Variants in AOPEP observed in about 807,000 individuals in gnomAD.
AOPEP encodes the protein aminopeptidase O (putative).
Under a neutral mutation model 98.1 loss-of-function variants are expected in AOPEP, and 77 were observed. That is an observed-to-expected ratio of 0.78 (90% CI 0.65 to 0.95). The LOEUF is 0.95. Ranked by LOEUF, AOPEP falls within the 40% of genes least tolerant of loss-of-function variation. The probability of loss-of-function intolerance (pLI) is 0.00; values close to 1 mark genes in which losing one functional copy is unlikely to be tolerated. For synonymous variants in AOPEP, 346 were observed against 365.3 expected, an observed-to-expected ratio of 0.95 and a Z score of 0.60; for missense variants, 1,024 against 1,024.7, an observed-to-expected ratio of 1.00 and a Z score of 0.01.
chr9:95,038,776 G>A (rs541197402), intron 13 of AOPEP, among the ~76,000 whole-genome samples: 57 of 152,178 alleles, frequency 3.7e-4, no homozygotes, highest in South Asian at 6.2e-4. Flanking sequence ...CAGCAAGCTC[G>A]GTAAGTCCAG....
intron 5 of AOPEP, 101 bp from the exon 6 acceptor site, chr9:94,923,885 G>A (rs972401882): frequency 2.8e-6 from 2 of 712,256 alleles, no homozygotes; most frequent in Non-Finnish European, 2.1e-6. Context: ...GCATGCACAT[G>A]ATAATAACAG....
chr9:95,073,190 A>G (rs1220628257), intron 14 of AOPEP, among the ~76,000 whole-genome samples: 1 of 152,120 alleles, frequency 6.6e-6, no homozygotes, highest in Non-Finnish European at 1.5e-5. Context: ...GCTCTTGCTC[A>G]GCCATGTGGT....
chr9:95,069,327 T>C (rs1339686020), intron 14 of AOPEP, among the ~76,000 whole-genome samples: 1 of 152,102 alleles, frequency 6.6e-6, no homozygotes, highest in Non-Finnish European at 1.5e-5. Context: ...TTAGAGGAGG[T>C]AACGATGGTC....
chr9:94,732,292 T>G (rs532556288), intron 1 of AOPEP, among the ~76,000 whole-genome samples: 1 of 152,156 alleles, frequency 6.6e-6, no homozygotes, highest in South Asian at 2.1e-4. Context: ...CCTACATTAT[T>G]CATCAAGTAA....
At chr9:94,855,753 G>A (rs2044125125) in intron 5 of AOPEP, among the ~76,000 whole-genome samples, 1 of 152,152 alleles carries the variant, frequency 6.6e-6, no homozygotes, top group Non-Finnish European at 1.5e-5. Flanking sequence ...CCTAGAACTG[G>A]TGGTTCGCAT....
intron 13 of AOPEP, among the ~76,000 whole-genome samples, chr9:95,009,760 T>C (rs1027963754): frequency 3.9e-5 from 6 of 152,258 alleles, no homozygotes; most frequent in African/African-American, 1.2e-4. Context: ...CAAAAAACAA[T>C]ACTCTTGAGC....
At chr9:95,095,093 T>C in the AOPEP span, among the ~76,000 whole-genome samples, 102 of 152,346 alleles carry the variant, frequency 6.7e-4, no homozygotes, top group Non-Finnish European at 1.3e-3. Context: ...AGCTGTTACT[T>C]TGCATTCTTT....
intron 4 of AOPEP, among the ~76,000 whole-genome samples, chr9:94,795,258 G>A (rs184192083): frequency 6.6e-6 from 1 of 152,216 alleles, no homozygotes; most frequent in Admixed American, 6.5e-5. Flanking sequence ...TAACATTAAT[G>A]CCTCACCTGG....
Position 94,813,112 on chromosome 9 carries a change from C to T in AOPEP, c.1364+12110C>T, listed in dbSNP as rs555921714. ...TAACATTGATTAGTGATTGGCTATA[C>T]GTTGTTAAGCTATAGGGTGGGTTAT... On this transcript the variant is annotated intron_variant, in intron 5 of 16. Coordinates refer to ENST00000375315, the MANE Select transcript of AOPEP (RefSeq NM_001193329.3). 2.6e-5 allele frequency among the ~76,000 whole-genome samples: 4 copies of T among 152,138 alleles called. 1 individual carries two copies. The highest frequency in any genetic ancestry group is 3.9e-4 in the East Asian group (2 of 5,184).
chr9:94,933,155 A>G lies in AOPEP; in HGVS notation c.1661+4624A>G, dbSNP rs1808249286. On this transcript the variant is annotated intron_variant, in intron 7 of 16. Coordinates refer to ENST00000375315, the MANE Select transcript of AOPEP (RefSeq NM_001193329.3). ...ACTGTTCAGCTCTCTCCTGTCATCT[A>G]TCCCCTGCCTACAAGGTCCCCTCCT... The G allele has an allele frequency of 5.1e-6, 5 of 985,540 alleles. No individual in the cohort carries two copies. In the South Asian group the frequency reaches 2.4e-4, roughly 46 times the overall value. 61.0% of individuals were successfully genotyped at this position (985,540 alleles called of 1,614,324 possible). A position where few individuals can be genotyped will look rare whatever the true frequency, so the allele number is the denominator to read the frequency against.
At chr9:95,032,982 T>C (rs573674407) in intron 13 of AOPEP, among the ~76,000 whole-genome samples, 16 of 152,318 alleles carry the variant, frequency 1.1e-4, no homozygotes, top group Admixed American at 9.2e-4. Flanking sequence ...TTAGAATGGC[T>C]GTTTTTGGGA....
At chr9:95,124,967 T>C in the AOPEP span, 1 of 874,046 alleles carries the variant, frequency 1.1e-6, no homozygotes, top group Non-Finnish European at 1.9e-6. Context: ...ATTAGGAACC[T>C]TTCTTTGTGA....
At chr9:95,009,824 A>G (rs1334880137) in intron 13 of AOPEP, among the ~76,000 whole-genome samples, 2 of 152,268 alleles carry the variant, frequency 1.3e-5, no homozygotes, top group African/African-American at 2.4e-5. Context: ...CATGTATTCA[A>G]AGTGAAACAT....
intron 13 of AOPEP, chr9:95,022,083 A>C (rs1330799655): frequency 6.6e-6 from 1 of 152,258 alleles, no homozygotes; most frequent in East Asian, 1.9e-4. Context: ...ATTGTTGTAG[A>C]TTTTGTCTCA....
At chr9:94,955,367 C>A in intron 8 of AOPEP, 88 bp downstream of exon 8, 1 of 800,256 alleles carries the variant, frequency 1.2e-6, no homozygotes, top group Non-Finnish European at 2.1e-6. Context: ...AGTAACAAGA[C>A]TGAGGTGAAA....
At chr9:94,889,695 T>C (rs2136026653) in intron 5 of AOPEP, among the ~76,000 whole-genome samples, 1 of 152,312 alleles carries the variant, frequency 6.6e-6, no homozygotes, top group East Asian at 1.9e-4. Flanking sequence ...TTCAGTTCTC[T>C]AGATAAATAC....
At chr9:94,990,358 C>G (rs1442730013) in intron 11 of AOPEP, among the ~76,000 whole-genome samples, 1 of 152,168 alleles carries the variant, frequency 6.6e-6, no homozygotes, top group African/African-American at 2.4e-5. Flanking sequence ...AGGACTACTG[C>G]ATCCCTAATA....
At chr9:94,756,026 G>A (rs970026108) in intron 1 of AOPEP, among the ~76,000 whole-genome samples, 25 of 152,132 alleles carry the variant, frequency 1.6e-4, no homozygotes, top group African/African-American at 5.8e-4. Context: ...TTGGGAGGCC[G>A]AGGCAGGCAG....
chr9:94,768,913 T>G (rs993366534), intron 2 of AOPEP, among the ~76,000 whole-genome samples: 1 of 152,232 alleles, frequency 6.6e-6, no homozygotes, highest in Admixed American at 6.5e-5. Flanking sequence ...CTATGAGCAT[T>G]TTAGCAACAT....
Sources: gnomAD v4.1 joint callset for allele counts (sites outside exome capture counted in the v4.1 genomes callset) on GRCh38, gnomAD v4.1.1 for gene constraint, MANE v1.5 for transcripts, NCBI Gene and HGNC (gene_info 2026-07-23, HGNC 2026-07-21) for gene names.